The following DNM1 variants were observed in gnomAD, a reference collection of about 807,000 sequenced individuals.
The protein encoded by DNM1 is dynamin 1, also known as dynamin-1.
DNM1 carries 29 observed loss-of-function variants against 104.6 expected under a neutral mutation model. The ratio of observed to expected loss-of-function variants is 0.28; its 90% CI spans 0.21 to 0.38. The LOEUF is 0.38. Among genes scored for constraint, DNM1 ranks in the 10% least tolerant of loss-of-function variants. The probability of loss-of-function intolerance (pLI) is 1.00; values close to 1 mark genes in which losing one functional copy is unlikely to be tolerated. For synonymous variants in DNM1, 445 were observed against 475.8 expected (o/e 0.94, Z 0.84); for missense variants, 640 against 1,189.4 (o/e 0.54, Z 6.79).
At position 128,218,427 on chromosome 9, in the gene DNM1, G is replaced by A. The variant is rs1834742409; in HGVS notation, c.235+123G>A. The A allele has an allele frequency of 5.0e-6, 7 of 1,406,618 alleles. No individual in the cohort carries two copies. Among genetic ancestry groups the A allele is most frequent in the Admixed American group, 3.4e-5 (2 of 58,936 alleles). The allele number at this position is 1,406,618 out of a possible 1,614,324, so 87.1% of individuals were successfully genotyped here. A position where few individuals can be genotyped will look rare whatever the true frequency, so the allele number is the denominator to read the frequency against. ...GTGACTGTGGGCCTCGTTCCCCTTA[G>A]GGATAGCGGGGATCAAAATACATAA... On this transcript the variant is annotated intron_variant, in intron 2 of 21. Coordinates refer to ENST00000372923, the MANE Select transcript of DNM1 (RefSeq NM_004408.4). The surrounding 1 kb of genome is among the most constrained non-coding windows in gnomAD (Gnocchi z 4.8).
chr9:128,219,266 C>T lies in DNM1; in HGVS notation c.589+14C>T, dbSNP rs767639839. 5 of 1,612,124 alleles carry T rather than the reference C, an allele frequency of 3.1e-6. No individual in the cohort carries two copies. Among genetic ancestry groups the T allele is most frequent in the Admixed American group, 3.3e-5 (2 of 59,998 alleles). On this transcript the variant is annotated intron_variant, in intron 4 of 21. Transcript: ENST00000372923. ...TGGACCCCCAGGGTAGGTTCCCACCCGGTGGCCAATGCACAAAACCCCAGG... is the reference window on the plus strand; with the variant it reads ...TGGACCCCCAGGGTAGGTTCCCACCTGGTGGCCAATGCACAAAACCCCAGG...
At chr9:128,233,688 A>G (rs991298977) in intron 10 of DNM1, 10 of 377,416 alleles carry the variant, frequency 2.6e-5, no homozygotes, top group Non-Finnish European at 4.9e-5. Context: ...CAGAGGCCTT[A>G]ACCTAACCAG....
chr9:128,205,140 A>AC (rs1833851441), intron 1 of DNM1, among the ~76,000 whole-genome samples: 2 of 151,586 alleles, frequency 1.3e-5, no homozygotes, highest in African/African-American at 2.4e-5. Context: ...TGATCACATG[A>AC]CCCCCGGAGC....
intron 19 of DNM1, among the ~76,000 whole-genome samples, chr9:128,249,382 C>T (rs866445244): frequency 2.0e-5 from 3 of 151,816 alleles, no homozygotes; most frequent in Middle Eastern, 3.4e-3. Flanking sequence ...GTTGGCCGGG[C>T]GCGGTAGTTC....
chr9:128,220,691 C>G lies in DNM1; in HGVS notation c.849+350C>G, dbSNP rs556408316. On this transcript the variant is annotated intron_variant, in intron 6 of 21. Coordinates refer to ENST00000372923, the MANE Select transcript of DNM1 (RefSeq NM_004408.4). The surrounding 1 kb of genome is among the most constrained non-coding windows in gnomAD (Gnocchi z 5.2). Reference sequence around the variant, plus strand: ...GGGAATCCCAGGGGCTTCCCCAGGACTTTTCTCCATCTGGAATGGGGCATC... The same window carrying G: ...GGGAATCCCAGGGGCTTCCCCAGGAGTTTTCTCCATCTGGAATGGGGCATC... Among the ~76,000 whole-genome samples the G allele has an allele frequency of 4.0e-4, 60 of 150,794 alleles. No homozygotes were observed. Among genetic ancestry groups the G allele is most frequent in the African/African-American group, 1.4e-3 (56 of 41,268 alleles).
Position 128,245,069 on chromosome 9 carries a change from G to C in DNM1, c.1672-1325G>C. 1.1e-5 allele frequency: 3 copies of C among 262,592 alleles called. No homozygotes were observed. Among genetic ancestry groups the C allele is most frequent in the South Asian group, 1.0e-4 (3 of 29,812 alleles). 16.3% of individuals were successfully genotyped at this position (262,592 alleles called of 1,614,324 possible). ...GGCCGGCAGGAAGGGAGGGGTGGGG[G>C]GAGGAGGCCGCTCCTACCTAGTGTC... On this transcript the variant is annotated intron_variant, in intron 15 of 21. Transcript: ENST00000372923. This position sits in a 1 kb window ranked among gnomAD's most constrained non-coding sequence, Gnocchi z 5.2.
chr9:128,226,168 G>A (rs764731504), intron 10 of DNM1: 71 of 1,612,742 alleles, frequency 4.4e-5, no homozygotes, highest in Admixed American at 3.5e-4. Flanking sequence ...AAAGTGTAGC[G>A]AAAAGGTATG....
chr9:128,233,085 G>A (rs2131222369), intron 10 of DNM1, among the ~76,000 whole-genome samples: 1 of 152,350 alleles, frequency 6.6e-6, no homozygotes, highest in South Asian at 2.1e-4. Flanking sequence ...GAATCACCTG[G>A]GCTGTGCCCA....
intron 10 of DNM1, chr9:128,226,161 G>T: frequency 1.2e-6 from 2 of 1,612,894 alleles, no homozygotes; most frequent in Non-Finnish European, 1.7e-6. Context: ...CCATCAGAAA[G>T]TGTAGCGAAA....
In DNM1 at chr9:128,218,750, C is replaced by A. The variant is rs753645079; in HGVS notation, c.385+19C>A. 5.1e-6 allele frequency: 8 copies of A among 1,578,404 alleles called. No homozygotes were observed. Among genetic ancestry groups the A allele is most frequent in the Non-Finnish European group, 6.9e-6 (8 of 1,159,254 alleles). On this transcript the variant is annotated intron_variant, in intron 3 of 21. Coordinates refer to ENST00000372923, the MANE Select transcript of DNM1 (RefSeq NM_004408.4). The surrounding 1 kb of genome is among the most constrained non-coding windows in gnomAD (Gnocchi z 4.8). ...CCGCACGGTGAGGACCCTGGCCCCG[C>A]CCTAACCTCTAAGAATCATTTTCTT...
intron 20 of DNM1, 103 bp downstream of exon 20, chr9:128,250,459 C>T: frequency 7.8e-7 from 1 of 1,284,766 alleles, no homozygotes; most frequent in Non-Finnish European, 1.0e-6. Flanking sequence ...GGGGTGGCTC[C>T]CACCTGGAGC....
intron 1 of DNM1, among the ~76,000 whole-genome samples, chr9:128,214,369 A>C (rs952578421): frequency 2.6e-5 from 4 of 152,202 alleles, no homozygotes; most frequent in Admixed American, 6.5e-5. Flanking sequence ...CAGCTCCTAC[A>C]TGACAGCTCA....
At chr9:128,252,823 C>A in intron 21 of DNM1, 1 of 670,226 alleles carries the variant, frequency 1.5e-6, no homozygotes, top group Non-Finnish European at 2.7e-6. Flanking sequence ...TGTTGTGACT[C>A]TGCCCACACG....
intron 4 of DNM1, 97 bp downstream of exon 4, chr9:128,219,349 G>T: frequency 9.1e-7 from 1 of 1,093,850 alleles, no homozygotes; most frequent in Non-Finnish European, 1.4e-6. Context: ...TAAGAATAGC[G>T]GTGGGATCAG....
intron 10 of DNM1, chr9:128,232,009 TC>T: frequency 2.2e-6 from 1 of 456,650 alleles, no homozygotes; most frequent in Non-Finnish European, 4.4e-6. Flanking sequence ...CTGGAAATGT[TC>T]AGAGGCAGCC....
Position 128,253,132 on chromosome 9 carries a change from G to T in DNM1, c.2535-1522G>T. The T allele has an allele frequency of 6.2e-7, 1 of 1,606,578 alleles. No homozygotes were observed. Reference sequence around the variant, plus strand: ...TATCAGTGACCCCTGAGGAGCGTCAGCCATGGTAGGTACATGCCTCACCGC... The same window carrying T: ...TATCAGTGACCCCTGAGGAGCGTCATCCATGGTAGGTACATGCCTCACCGC... On this transcript the variant is annotated intron_variant, in intron 21 of 21. Transcript: ENST00000372923. This position sits in a 1 kb window ranked among gnomAD's most constrained non-coding sequence, Gnocchi z 5.9.
rs554182716 is a variant in DNM1, at chr9:128,245,498, G to T, written c.1672-896G>T. On this transcript the variant is annotated intron_variant, in intron 15 of 21. Transcript: ENST00000372923. This position sits in a 1 kb window ranked among gnomAD's most constrained non-coding sequence, Gnocchi z 5.2. ...CCCTAGATCCCTGAACCCCTCCCCT[G>T]GGACACAGCAGCCTACATACACATG... is the stretch of plus-strand genomic sequence containing the variant. 6.6e-6 allele frequency among the ~76,000 whole-genome samples: 1 copy of T among 152,038 alleles called. No individual in the cohort carries two copies. Among genetic ancestry groups the T allele is most frequent in the African/African-American group, 2.4e-5 (1 of 41,444 alleles).
At chr9:128,251,519 C>T (rs1298647982) in intron 21 of DNM1, 2 of 180,658 alleles carry the variant, frequency 1.1e-5, no homozygotes, top group African/African-American at 2.4e-5. Context: ...TGTGTGTGGG[C>T]GTGCACACGA....
Position 128,222,224 on chromosome 9 carries a change from C to T in DNM1, c.877C>T (p.Leu293=), listed in dbSNP as rs1389383854. ...ACTGACGAACCACATCCGGGACACA[C>T]TGCCGGGGCTGCGGAACAAGCTGCA... ...QQLTNHIRDT[L]PGLRNKLQSQ... is the part of the protein sequence containing the mutation. The change falls in exon 7 of 22, where the codon CTG becomes TTG. Residue 293 remains leucine, a synonymous_variant. Transcript: ENST00000372923. The surrounding 1 kb of genome is among the most constrained non-coding windows in gnomAD (Gnocchi z 7.8). The T allele has an allele frequency of 3.7e-6, 6 of 1,613,936 alleles. No individual in the cohort carries two copies. In the South Asian group the frequency reaches 5.5e-5, roughly 15 times the overall value.
Sources: allele counts gnomAD v4.1 joint callset (sites outside exome capture counted in the v4.1 genomes callset), GRCh38; gene constraint gnomAD v4.1.1; non-coding constraint Gnocchi (gnomAD v3.1); transcripts MANE v1.5; gene names NCBI Gene and HGNC (gene_info 2026-07-23, HGNC 2026-07-21).